HFM1: variants seen among roughly 807,000 people sequenced by gnomAD.
The protein encoded by HFM1 is helicase for meiosis 1.
A neutral mutation model predicts 192.1 loss-of-function variants in HFM1; 169 were observed. The observed-to-expected ratio is 0.88, with a 90% CI of 0.78 to 1.00. HFM1 has a LOEUF of 1.00. Among genes scored for constraint, HFM1 ranks in the 50% least tolerant of loss-of-function variants. The probability of loss-of-function intolerance (pLI) is 0.00; values close to 1 mark genes in which losing one functional copy is unlikely to be tolerated. For synonymous variants in HFM1, 525 were observed against 537.8 expected (o/e 0.98, Z 0.33); for missense variants, 1,661 against 1,668.0 (o/e 1.00, Z 0.07).
chr1:91,395,856 T>A (rs1358784416), intron 3 of HFM1, among the ~76,000 whole-genome samples: 1 of 151,492 alleles, frequency 6.6e-6, no homozygotes, highest in Non-Finnish European at 1.5e-5. Context: ...TATTACTTTT[T>A]TTTTTTTTTT....
At chr1:91,347,361 T>C in intron 19 of HFM1, 68 bp downstream of exon 19, 1 of 838,418 alleles carries the variant, frequency 1.2e-6, no homozygotes. Context: ...ATATTCTTAC[T>C]TTCACAATAA....
At chr1:91,316,510 T>C in intron 25 of HFM1, 34 bp from the exon 26 acceptor site, 1 of 964,626 alleles carries the variant, frequency 1.0e-6, no homozygotes, top group Non-Finnish European at 1.5e-6. Context: ...AACTTAAAAA[T>C]AATGCACTTT....
At chr1:91,362,130 G>T (rs1159823222) in intron 13 of HFM1, among the ~76,000 whole-genome samples, 2 of 152,096 alleles carry the variant, frequency 1.3e-5, no homozygotes, top group Non-Finnish European at 2.9e-5. Flanking sequence ...TTGAAAACTG[G>T]CACAAGAAAA....
chr1:91,265,633 G>A (rs1054723690), intron 36 of HFM1, among the ~76,000 whole-genome samples: 1 of 152,184 alleles, frequency 6.6e-6, no homozygotes, highest in Non-Finnish European at 1.5e-5. Context: ...TTGAGCACGG[G>A]ATACCTTTTC....
intron 13 of HFM1, among the ~76,000 whole-genome samples, chr1:91,370,885 C>A (rs1052136735): frequency 6.6e-6 from 1 of 152,188 alleles, no homozygotes; most frequent in African/African-American, 2.4e-5. Flanking sequence ...TAGATAACTT[C>A]AGCAAAGTCT....
chr1:91,292,669 C>A lies in HFM1; in HGVS notation c.3392-15607G>T, dbSNP rs187444755. Among the ~76,000 whole-genome samples the A allele has an allele frequency of 7.1e-3, 1,087 of 152,126 alleles. 45 individuals carry two copies. The highest frequency in any genetic ancestry group is 0.064 in the Admixed American group (969 of 15,256). Reference sequence around the variant, plus strand: ...TTCAATGCCATCCCCATCAAGCTACCAATGACTTTCTTCACAGAAATGGAA... The same window carrying A: ...TTCAATGCCATCCCCATCAAGCTACAAATGACTTTCTTCACAGAAATGGAA... On this transcript the variant is annotated intron_variant, in intron 30 of 38. Coordinates refer to ENST00000370425, the MANE Select transcript of HFM1 (RefSeq NM_001017975.6).
intron 21 of HFM1, 39 bp from the exon 22 acceptor site, chr1:91,323,238 T>C (rs772470636): frequency 1.9e-6 from 2 of 1,066,590 alleles, no homozygotes; most frequent in Non-Finnish European, 2.8e-6. Flanking sequence ...ATGAAGTCTA[T>C]TTTTTATTTC....
chr1:91,267,471 A>T (rs1040514626), intron 35 of HFM1, among the ~76,000 whole-genome samples: 2 of 152,160 alleles, frequency 1.3e-5, no homozygotes, highest in African/African-American at 4.8e-5. Context: ...AACAATTTGA[A>T]TTTGACTTTT....
At chr1:91,284,444 G>A (rs1667755297) in intron 30 of HFM1, among the ~76,000 whole-genome samples, 1 of 151,954 alleles carries the variant, frequency 6.6e-6, no homozygotes, top group Non-Finnish European at 1.5e-5. Flanking sequence ...TAGAGATGGG[G>A]TTTCACCACA....
Position 91,375,347 on chromosome 1 carries a change from A to T in HFM1, c.1685+11T>A. The T allele has an allele frequency of 6.3e-7, 1 of 1,591,514 alleles. No homozygotes were observed. Among genetic ancestry groups the T allele is most frequent in the Non-Finnish European group, 8.6e-7 (1 of 1,165,920 alleles). On this transcript the variant is annotated intron_variant, in intron 13 of 38. Coordinates refer to ENST00000370425, the MANE Select transcript of HFM1 (RefSeq NM_001017975.6). Reference sequence around the variant, plus strand: ...GTCCTTCTACTTCCATGAAAAAATAAAATACTATACCTCTGTTTCTGTTCC... The same window carrying T: ...GTCCTTCTACTTCCATGAAAAAATATAATACTATACCTCTGTTTCTGTTCC...
At chr1:91,360,960 A>T (rs375423036) in intron 13 of HFM1, among the ~76,000 whole-genome samples, 3 of 152,194 alleles carry the variant, frequency 2.0e-5, no homozygotes, top group Non-Finnish European at 4.4e-5. Flanking sequence ...GTAAATAATG[A>T]AATTAAGGCA....
In HFM1 at chr1:91,368,878, T is replaced by G. The variant is rs895721035; in HGVS notation, c.1685+6480A>C. Among the ~76,000 whole-genome samples the G allele has an allele frequency of 3.2e-4, 48 of 152,094 alleles. 1 individual carries two copies. Among genetic ancestry groups the G allele is most frequent in the Middle Eastern group, 6.8e-3 (2 of 294 alleles). ...CATCTCACGTGCAGAGACACATATA[T>G]GCTCAAAATAAAGGGATGGAGGAAG... On this transcript the variant is annotated intron_variant, in intron 13 of 38. Transcript: ENST00000370425.
At chr1:91,392,796 G>A (rs1663170513) in intron 4 of HFM1, among the ~76,000 whole-genome samples, 1 of 152,070 alleles carries the variant, frequency 6.6e-6, no homozygotes, top group African/African-American at 2.4e-5. Flanking sequence ...TACGTTAAGT[G>A]AAAGAAGCCA....
chr1:91,343,548 A>C, intron 19 of HFM1, 38 bp from the exon 20 acceptor site: 1 of 810,460 alleles, frequency 1.2e-6, no homozygotes, highest in African/African-American at 1.8e-5. Flanking sequence ...ATTTTAGTAA[A>C]ATAGGGAAGT....
chr1:91,271,367 T>C (rs1448550200), intron 34 of HFM1, among the ~76,000 whole-genome samples: 3 of 152,186 alleles, frequency 2.0e-5, no homozygotes, highest in Non-Finnish European at 4.4e-5. Flanking sequence ...TGCCTTGATT[T>C]AGCCAGAATT....
chr1:91,383,387 T>A (rs981303314), intron 6 of HFM1, among the ~76,000 whole-genome samples: 1 of 152,082 alleles, frequency 6.6e-6, no homozygotes, highest in East Asian at 1.9e-4. Context: ...GAAAAGAAAA[T>A]GTGGCAGCAT....
rs200872964 is a variant in HFM1, at chr1:91,382,753, C to CTG, written c.803-1772_803-1771insCA. 6.3e-3 allele frequency among the ~76,000 whole-genome samples: 957 copies of CTG among 152,268 alleles called. 5 individuals are homozygous for CTG. Among genetic ancestry groups the CTG allele is most frequent in the African/African-American group, 0.017 (704 of 41,556 alleles). On this transcript the variant is annotated intron_variant, in intron 6 of 38. Coordinates refer to ENST00000370425, the MANE Select transcript of HFM1 (RefSeq NM_001017975.6). ...TCATTCACAAAATGAATCTTTGATT[C>CTG]AGAGTATAGAATCAGTATTTCAGCT...
chr1:91,380,871 G>T, intron 7 of HFM1, 41 bp downstream of exon 7: 1 of 949,142 alleles, frequency 1.1e-6, no homozygotes, highest in Non-Finnish European at 1.7e-6. Flanking sequence ...TCATAACCTA[G>T]TGAAAGGTAG....
chr1:91,396,028 T>C (rs142352316), intron 3 of HFM1, among the ~76,000 whole-genome samples: 4,469 of 152,144 alleles, frequency 0.029, 111 homozygotes, highest in Non-Finnish European at 0.046. Context: ...TTTTTGTATT[T>C]TTAGTAGAGA....
Sources: allele counts gnomAD v4.1 joint callset (sites outside exome capture counted in the v4.1 genomes callset), GRCh38; gene constraint gnomAD v4.1.1; transcripts MANE v1.5; gene names NCBI Gene and HGNC (gene_info 2026-07-23, HGNC 2026-07-21).